The following ATP7B variants were observed in gnomAD, a reference collection of about 807,000 sequenced individuals.
ATP7B encodes the protein ATPase copper transporting beta.
A neutral mutation model predicts 118.9 loss-of-function variants in ATP7B; 113 were observed. The ratio of observed to expected loss-of-function variants is 0.95; its 90% confidence interval spans 0.82 to 1.11. The LOEUF is 1.11. Ranked by LOEUF, ATP7B falls within the 50% of genes most tolerant of loss-of-function variation. ATP7B has a pLI of 0.00. For synonymous variants in ATP7B, 777 were observed against 727.4 expected, an observed-to-expected ratio of 1.07 and a Z score of -1.10; for missense variants, 1,867 against 1,871.4, an observed-to-expected ratio of 1.00 and a Z score of 0.04.
At chr13:51,947,112 T>C (rs558756379) in intron 12 of ATP7B, among the ~76,000 whole-genome samples, 2 of 152,322 alleles carry the variant, frequency 1.3e-5, no homozygotes, top group East Asian at 3.9e-4. Flanking sequence ...TATAATGGGA[T>C]ACGAGGCAAC....
In ATP7B at chr13:51,935,047, A is replaced by C. The variant is rs776563250; in HGVS notation, c.4125-18T>G. ...TCTTATAGCTGGAAAGCAGGAACGCAACAGCATCTGAGCCATTCTAGAAAC... is the reference window on the plus strand; with the variant it reads ...TCTTATAGCTGGAAAGCAGGAACGCCACAGCATCTGAGCCATTCTAGAAAC... On this transcript the variant is annotated intron_variant, in intron 20 of 20. Coordinates refer to ENST00000242839, the MANE Select transcript of ATP7B (RefSeq NM_000053.4). 3.1e-6 allele frequency: 5 copies of C among 1,613,052 alleles called. No individual in the cohort carries two copies. The South Asian group carries it at 3.3e-5, about 11-fold the overall frequency.
Position 51,961,738 on chromosome 13 carries a change from A to G in ATP7B, c.1946+99T>C, listed in dbSNP as rs532351879. On this transcript the variant is annotated intron_variant, in intron 6 of 20. Coordinates refer to ENST00000242839, the MANE Select transcript of ATP7B (RefSeq NM_000053.4). ...GGGTAAAGGCAGCTAATCCAGGAGG[A>G]AGGCACCATGGGAAGACAAGACCAG... 6 of 1,155,814 alleles carry G rather than the reference A, an allele frequency of 5.2e-6. No homozygotes were observed. In the South Asian group the frequency reaches 7.5e-5, roughly 14 times the overall value. 71.6% of individuals were successfully genotyped at this position (1,155,814 alleles called of 1,614,324 possible). A position where few individuals can be genotyped will look rare whatever the true frequency, so the allele number is the denominator to read the frequency against.
chr13:51,952,925 C>T (rs567811741), intron 9 of ATP7B, among the ~76,000 whole-genome samples: 1 of 152,298 alleles, frequency 6.6e-6, no homozygotes, highest in South Asian at 2.1e-4. Flanking sequence ...GGGTTACAAA[C>T]AGGACAGAGT....
Position 51,974,154 on chromosome 13 carries a change from C to G in ATP7B, c.1066G>C (p.Gly356Arg). 6.2e-7 allele frequency: 1 copy of G among 1,613,784 alleles called. No homozygotes were observed. Among genetic ancestry groups the G allele is most frequent in the Non-Finnish European group, 8.5e-7 (1 of 1,179,970 alleles). ...GCAATCAGAGTGGTACTGCATGTGC[C>G]CTGGACCTGGTTTCTCGGTGGGGAG... is the stretch of plus-strand genomic sequence containing the variant. ...PGSPPRNQVQ[G>R]TCSTTLIAIA... Residue 356 changes from glycine (G) to arginine (R), a missense_variant, in exon 2 of 21, where the codon GGC becomes CGC. Transcript: ENST00000242839.
At chr13:51,968,396 G>A (rs1167663610) in intron 4 of ATP7B, 48 bp downstream of exon 4, 2 of 1,613,442 alleles carry the variant, frequency 1.2e-6, no homozygotes, top group Non-Finnish European at 1.7e-6. Flanking sequence ...TGTCCAAAAT[G>A]CAAACTGTCA....
Position 51,960,317 on chromosome 13 carries a change from T to C in ATP7B, c.1952A>G (p.Lys651Arg). Residue 651 changes from lysine to arginine, a missense_variant, in exon 7 of 21, where the codon AAG (lysine) becomes AGG (arginine). By Grantham distance (26) the Lys-to-Arg change is conservative (BLOSUM62 2). Transcript: ENST00000242839. ...CACCAGGCTGCACAGGAAAGACTTC[T>C]TCCACCTGGAAAGCAAATGCAGCAA... The part of the protein sequence containing the change: ...LDHKMEIKQW[K>R]KSFLCSLVFG... 1 of 1,613,214 alleles carries C rather than the reference T, an allele frequency of 6.2e-7. No homozygotes were observed. Among genetic ancestry groups the C allele is most frequent in the Non-Finnish European group, 8.5e-7 (1 of 1,179,812 alleles).
chr13:51,976,861 T>C lies in ATP7B; in HGVS notation c.52-1693A>G, dbSNP rs1952142828. 2.0e-5 allele frequency among the ~76,000 whole-genome samples: 3 copies of C among 152,198 alleles called. No homozygotes were observed. In the South Asian group the frequency reaches 6.2e-4, roughly 32 times the overall value. On this transcript the variant is annotated intron_variant, in intron 1 of 20. Coordinates refer to ENST00000242839, the MANE Select transcript of ATP7B (RefSeq NM_000053.4). Reference sequence around the variant, plus strand: ...ATGGGGCACTTATCATGAATGGAGCTTGCAGGACTGGAAGTTGCTCTGGGT... The same window carrying C: ...ATGGGGCACTTATCATGAATGGAGCCTGCAGGACTGGAAGTTGCTCTGGGT...
At chr13:51,989,586 T>C (rs1371305155) in intron 1 of ATP7B, among the ~76,000 whole-genome samples, 1 of 151,682 alleles carries the variant, frequency 6.6e-6, no homozygotes, top group Non-Finnish European at 1.5e-5. Context: ...TCACCACATA[T>C]GTACATACAA....
In ATP7B at chr13:51,976,204, C is replaced by T. The variant is rs1593796564; in HGVS notation, c.52-1036G>A. 2.0e-5 allele frequency among the ~76,000 whole-genome samples: 3 copies of T among 152,314 alleles called. No individual in the cohort carries two copies. The East Asian group carries it at 5.8e-4, about 29-fold the overall frequency. On this transcript the variant is annotated intron_variant, in intron 1 of 20. Transcript: ENST00000242839. Reference sequence around the variant, plus strand: ...GAACAGGCCTTTATACATGATACATCATAAAAAAGCACATTTCTCTCTACT... The same window carrying T: ...GAACAGGCCTTTATACATGATACATTATAAAAAAGCACATTTCTCTCTACT...
At chr13:51,941,053 G>A (rs1368597356) in intron 16 of ATP7B, 28 bp downstream of exon 16, 2 of 1,614,110 alleles carry the variant, frequency 1.2e-6, no homozygotes, top group East Asian at 2.2e-5. Flanking sequence ...TTCTGAGAGA[G>A]CGGAAGGAAG....
rs1238450466 is a variant in ATP7B, at chr13:51,994,376, C to T, written c.51+16911G>A. 3.3e-5 allele frequency among the ~76,000 whole-genome samples: 5 copies of T among 152,292 alleles called. No homozygotes were observed. The South Asian group carries it at 6.2e-4, about 19-fold the overall frequency. ...AACCTCTGTGTAGAAGCTACCCAAA[C>T]GGGCAGCCACTGAATAATTCTACAT... On this transcript the variant is annotated intron_variant, in intron 1 of 20. Transcript: ENST00000242839.
At chr13:52,002,368 C>T (rs1340452851) in intron 1 of ATP7B, among the ~76,000 whole-genome samples, 2 of 149,806 alleles carry the variant, frequency 1.3e-5, no homozygotes, top group African/African-American at 4.9e-5. Flanking sequence ...TTAAAACCAG[C>T]TTGGGCAACA....
In ATP7B at chr13:51,934,559, C is replaced by T; in HGVS notation, c.*197G>A. On this transcript the variant is annotated 3_prime_UTR_variant, in exon 21 of 21. Transcript: ENST00000242839. The stretch of plus-strand genomic sequence containing the variant: ...CGGTCCCGTGAGGCCAAGAGGCAGG[C>T]AGGGCCGTCCTCTCCAGGCCAAGCC... The T allele has an allele frequency of 1.2e-6, 1 of 812,826 alleles. No homozygotes were observed. Among genetic ancestry groups the T allele is most frequent in the Non-Finnish European group, 1.9e-6 (1 of 512,942 alleles). 50.4% of individuals were successfully genotyped at this position (812,826 alleles called of 1,614,324 possible).
chr13:52,006,311 T>C (rs1368379917), intron 1 of ATP7B, among the ~76,000 whole-genome samples: 1 of 152,196 alleles, frequency 6.6e-6, no homozygotes, highest in African/African-American at 2.4e-5. Context: ...AGAAAATGTG[T>C]GTCACGTAAA....
intron 9 of ATP7B, among the ~76,000 whole-genome samples, chr13:51,957,083 T>C (rs1286945615): frequency 1.3e-5 from 2 of 152,162 alleles, no homozygotes; most frequent in East Asian, 3.8e-4. Context: ...GGAATAATAA[T>C]AATTATTATT....
At chr13:52,001,237 T>C (rs997721037) in intron 1 of ATP7B, among the ~76,000 whole-genome samples, 11 of 152,214 alleles carry the variant, frequency 7.2e-5, no homozygotes, top group African/African-American at 2.7e-4. Context: ...TCCTGGCTTC[T>C]GCTCTTAGCC....
At chr13:51,985,094 A>T (rs537820749) in intron 1 of ATP7B, among the ~76,000 whole-genome samples, 1 of 152,240 alleles carries the variant, frequency 6.6e-6, no homozygotes, top group Non-Finnish European at 1.5e-5. Flanking sequence ...AAACAGGCTA[A>T]ATGCCCCAAT....
intron 1 of ATP7B, among the ~76,000 whole-genome samples, chr13:51,979,361 AG>A (rs1477348666): frequency 3.3e-5 from 5 of 152,246 alleles, no homozygotes; most frequent in African/African-American, 1.2e-4. Context: ...ACAGTGCAAA[AG>A]CTAGTACAGA....
intron 7 of ATP7B, chr13:51,959,156 T>G (rs1958562747): frequency 6.3e-6 from 1 of 158,606 alleles, no homozygotes; most frequent in African/African-American, 2.4e-5. Flanking sequence ...CATCTTCCTC[T>G]TTTCTTCTTA....
Sources: allele counts gnomAD v4.1 joint callset (sites outside exome capture counted in the v4.1 genomes callset), GRCh38; gene constraint gnomAD v4.1.1; transcripts MANE v1.5; gene names NCBI Gene and HGNC (gene_info 2026-07-23, HGNC 2026-07-21).